The following PRKN variants were observed in gnomAD, a reference collection of about 807,000 sequenced individuals.
The protein encoded by PRKN is parkin RBR E3 ubiquitin protein ligase.
PRKN carries 56 observed loss-of-function variants against 59.5 expected under a neutral mutation model. The observed-to-expected ratio is 0.94, with a 90% CI of 0.76 to 1.18. PRKN has a LOEUF of 1.18. Among genes scored for constraint, PRKN ranks in the 50% most tolerant of loss-of-function variants. The pLI is 0.00. For missense variants in PRKN, 657 were observed against 596.4 expected, an observed-to-expected ratio of 1.10 and a Z score of -1.06; for synonymous variants, 250 against 222.1, an observed-to-expected ratio of 1.13 and a Z score of -1.12.
intron 3 of PRKN, among the ~76,000 whole-genome samples, chr6:162,207,556 C>G (rs938998989): frequency 6.6e-6 from 1 of 152,134 alleles, no homozygotes; most frequent in African/African-American, 2.4e-5. Context: ...TTCACTTGAC[C>G]GTCCTAACAT....
intron 7 of PRKN, among the ~76,000 whole-genome samples, chr6:161,779,435 C>T (rs370925540): frequency 0.013 from 534 of 39,594 alleles, no homozygotes; most frequent in Admixed American, 0.026. Context: ...TTTTTCTTTT[C>T]TTTTCTTTTT....
At chr6:161,663,097 T>C (rs1784605628) in intron 7 of PRKN, among the ~76,000 whole-genome samples, 3 of 152,218 alleles carry the variant, frequency 2.0e-5, no homozygotes, top group Admixed American at 2.0e-4. Flanking sequence ...CCTGCCGCCA[T>C]GGAAGATGTG....
rs143862241 is a variant in PRKN, at chr6:161,636,770, G to A, written c.872-67354C>T. Among the ~76,000 whole-genome samples, 496 of 152,120 alleles carry A rather than the reference G, an allele frequency of 3.3e-3. 3 individuals carry two copies. Among genetic ancestry groups the A allele is most frequent in the African/African-American group, 0.012 (479 of 41,496 alleles). On this transcript the variant is annotated intron_variant, in intron 7 of 11. Transcript: ENST00000366898. ...ATACAAAGTCGAGATTAAACAGGAG[G>A]CCCAACAGAAATACAGGCCTGTGGT...
chr6:162,279,980 C>T (rs1015625100), intron 2 of PRKN, among the ~76,000 whole-genome samples: 9 of 152,104 alleles, frequency 5.9e-5, no homozygotes, highest in African/African-American at 2.2e-4. Flanking sequence ...TTTTATCAGA[C>T]TAAGATCGCA....
At position 162,458,120 on chromosome 6, in the gene PRKN, G is replaced by A. The variant is rs560761553; in HGVS notation, c.8-14647C>T. Among the ~76,000 whole-genome samples, 51 of 150,284 alleles carry A rather than the reference G, an allele frequency of 3.4e-4. 1 individual carries two copies. The highest frequency in any genetic ancestry group is 1.1e-3 in the African/African-American group (46 of 41,310). On this transcript the variant is annotated intron_variant, in intron 1 of 11. Transcript: ENST00000366898. The stretch of plus-strand genomic sequence containing the variant: ...ATTACAAAAATTAGCCAGGCGTGGT[G>A]GCACACACCTGTAATCCCCAGCTAC...
intron 5 of PRKN, among the ~76,000 whole-genome samples, chr6:162,010,388 TATAAATAA>T: frequency 1.1e-5 from 1 of 93,538 alleles, no homozygotes; most frequent in African/African-American, 4.6e-5. Context: ...ATATATAATA[TATAAATAA>T]TATACATTTA....
intron 6 of PRKN, among the ~76,000 whole-genome samples, chr6:161,966,759 AC>A (rs1352430942): frequency 6.6e-6 from 1 of 152,238 alleles, no homozygotes; most frequent in Non-Finnish European, 1.5e-5. Context: ...CTGCAGCTTC[AC>A]AAAAAACCTC....
chr6:162,302,274 T>C (rs1176155261), intron 2 of PRKN, among the ~76,000 whole-genome samples: 2 of 152,030 alleles, frequency 1.3e-5, no homozygotes, highest in Non-Finnish European at 2.9e-5. Flanking sequence ...GCCCTCCTAT[T>C]GTGTATGAGA....
chr6:161,723,368 T>C (rs1187837487), intron 7 of PRKN, among the ~76,000 whole-genome samples: 1 of 152,168 alleles, frequency 6.6e-6, no homozygotes, highest in Non-Finnish European at 1.5e-5. Context: ...TGGTAATATG[T>C]TTATGTTTTA....
chr6:162,216,132 T>G (rs182109377), intron 3 of PRKN, among the ~76,000 whole-genome samples: 1 of 152,166 alleles, frequency 6.6e-6, no homozygotes, highest in African/African-American at 2.4e-5. Context: ...GCAGCCACTA[T>G]CTGCAGGAAA....
At chr6:162,639,885 A>T (rs189166055) in intron 1 of PRKN, among the ~76,000 whole-genome samples, 69 of 152,304 alleles carry the variant, frequency 4.5e-4, no homozygotes, top group Middle Eastern at 3.4e-3. Context: ...GTATTGAGCA[A>T]CTATGAAAGA....
intron 6 of PRKN, among the ~76,000 whole-genome samples, chr6:161,845,743 G>A (rs1430484147): frequency 6.6e-6 from 1 of 152,098 alleles, no homozygotes; most frequent in African/African-American, 2.4e-5. Context: ...GTTTCCACAT[G>A]GCTTCTTAGA....
chr6:161,837,119 T>C (rs141150744), intron 6 of PRKN, among the ~76,000 whole-genome samples: 3 of 152,268 alleles, frequency 2.0e-5, no homozygotes, highest in African/African-American at 7.2e-5. Flanking sequence ...GCTCTGCCTG[T>C]GACACCAGAT....
chr6:162,336,417 T>C (rs1471175286), intron 2 of PRKN, among the ~76,000 whole-genome samples: 3 of 152,138 alleles, frequency 2.0e-5, no homozygotes, highest in African/African-American at 7.2e-5. Flanking sequence ...CACTTTACAA[T>C]TTTAAAACTT....
chr6:161,885,937 C>G (rs1197433743), intron 6 of PRKN, among the ~76,000 whole-genome samples: 1 of 152,142 alleles, frequency 6.6e-6, no homozygotes. Context: ...TCAATGCTAA[C>G]CTGTTTCCTC....
At chr6:162,688,018 T>C (rs559536181) in intron 1 of PRKN, among the ~76,000 whole-genome samples, 1 of 152,318 alleles carries the variant, frequency 6.6e-6, no homozygotes, top group Middle Eastern at 3.4e-3. Flanking sequence ...TTGAAGCACA[T>C]ACATACCTGA....
At position 161,373,687 on chromosome 6, in the gene PRKN, T is replaced by G. The variant is rs1403488709; in HGVS notation, c.1167+13107A>C. ...CTCTGTGCTTGCGGGGTGCTGAGTTTAAACGGGCTATGCCTCTGTGCTTGC... is the reference window on the plus strand; with the variant it reads ...CTCTGTGCTTGCGGGGTGCTGAGTTGAAACGGGCTATGCCTCTGTGCTTGC... On this transcript the variant is annotated intron_variant, in intron 10 of 11. Transcript: ENST00000366898. This position sits in a 1 kb window ranked among gnomAD's most constrained non-coding sequence, Gnocchi z 4.8. Among the ~76,000 whole-genome samples the G allele has an allele frequency of 6.6e-6, 1 of 152,096 alleles. No homozygotes were observed. Among genetic ancestry groups the G allele is most frequent in the Non-Finnish European group, 1.5e-5 (1 of 68,010 alleles).
chr6:162,294,063 G>A (rs1182569597), intron 2 of PRKN, among the ~76,000 whole-genome samples: 1 of 152,088 alleles, frequency 6.6e-6, no homozygotes, highest in Non-Finnish European at 1.5e-5. Flanking sequence ...AGTCTTTAGG[G>A]CAGCAGGAGA....
intron 1 of PRKN, among the ~76,000 whole-genome samples, chr6:162,612,160 T>C (rs1583906118): frequency 8.3e-6 from 1 of 120,472 alleles, no homozygotes; most frequent in South Asian, 2.7e-4. Flanking sequence ...GCCACTGCAC[T>C]CCAGCCTCGG....
Sources: gnomAD v4.1 joint callset for allele counts (sites outside exome capture counted in the v4.1 genomes callset) on GRCh38, gnomAD v4.1.1 for gene constraint, Gnocchi (gnomAD v3.1) non-coding constraint, MANE v1.5 for transcripts, NCBI Gene and HGNC (gene_info 2026-07-23, HGNC 2026-07-21) for gene names.